DRAXIN: variants seen among roughly 807,000 people sequenced by gnomAD.
DRAXIN encodes dorsal repulsive axon guidance protein.
In DRAXIN, 27 loss-of-function variants were observed where a neutral mutation model predicts 33.9. That is an observed-to-expected ratio of 0.80 (90% CI 0.59 to 1.10). DRAXIN has a LOEUF of 1.10. DRAXIN is among the 50% of genes least tolerant of loss of function. DRAXIN has a pLI of 0.00. For synonymous variants in DRAXIN, 178 were observed against 194.0 expected (o/e 0.92, Z 0.69); for missense variants, 371 against 460.8 (o/e 0.81, Z 1.78).
At chr1:11,714,899 C>T (rs9430631) in intron 5 of DRAXIN, among the ~76,000 whole-genome samples, 58,645 of 152,004 alleles carry the variant, frequency 0.39, 11,627 homozygotes, top group East Asian at 0.52. Context: ...ATCAGTACCC[C>T]ATCTGAGGCA....
intron 1 of DRAXIN, among the ~76,000 whole-genome samples, chr1:11,699,959 C>T (rs1424330295): frequency 1.4e-5 from 2 of 143,302 alleles, no homozygotes; most frequent in Non-Finnish European, 3.0e-5. Flanking sequence ...TAAAGTAAAT[C>T]CAGGTGTAGT....
At position 11,692,137 on chromosome 1, in the gene DRAXIN, T is replaced by C. The variant is rs1641082414; in HGVS notation, c.-11+284T>C. Among the ~76,000 whole-genome samples the C allele has an allele frequency of 1.3e-5, 2 of 151,792 alleles. 1 individual carries two copies. Among genetic ancestry groups the C allele is most frequent in the South Asian group, 4.2e-4 (2 of 4,806 alleles). ...CGCCCACTTTTCCACGCTCTGACAC[T>C]CGGCCTCGCGCGCGCCCTCGCCGCC... On this transcript the variant is annotated intron_variant, in intron 1 of 6. Coordinates refer to ENST00000294485, the MANE Select transcript of DRAXIN (RefSeq NM_198545.4). The surrounding 1 kb of genome is among the most constrained non-coding windows in gnomAD (Gnocchi z 5.8).
Position 11,703,129 on chromosome 1 carries a change from C to T in DRAXIN, c.-10-3120C>T, listed in dbSNP as rs72869785. ...ATTATGTGCAGGGCCCTGGAGGGGC[C>T]GCAGAGCAGAAGGGAATGTGCAGAG... On this transcript the variant is annotated intron_variant, in intron 1 of 6. Coordinates refer to ENST00000294485, the MANE Select transcript of DRAXIN (RefSeq NM_198545.4). Among the ~76,000 whole-genome samples, 1,279 of 152,300 alleles carry T rather than the reference C, an allele frequency of 8.4e-3. 23 individuals carry two copies. Among genetic ancestry groups the T allele is most frequent in the African/African-American group, 0.029 (1,216 of 41,566 alleles).
chr1:11,709,215 G>A (rs1570315117), intron 2 of DRAXIN, 60 bp from the exon 3 acceptor site: 1 of 1,519,200 alleles, frequency 6.6e-7, no homozygotes, highest in Non-Finnish European at 8.8e-7. Flanking sequence ...GGGTTCTACT[G>A]TAGACTGCCA....
rs1312223752 is a variant in DRAXIN at position 11,725,451 on chromosome 1, A to C, written c.*5755A>C. 1 of 152,246 alleles carries C rather than the reference A, an allele frequency of 6.6e-6. No individual in the cohort carries two copies. Among genetic ancestry groups the C allele is most frequent in the East Asian group, 1.9e-4 (1 of 5,202 alleles). 9.4% of individuals were successfully genotyped at this position (152,246 alleles called of 1,614,324 possible). A position where few individuals can be genotyped will look rare whatever the true frequency, so the allele number is the denominator to read the frequency against. On this transcript the variant is annotated 3_prime_UTR_variant, in exon 7 of 7. Coordinates refer to ENST00000294485, the MANE Select transcript of DRAXIN (RefSeq NM_198545.4). The stretch of plus-strand genomic sequence containing the variant: ...GTTCTCCAGGTCATTCTTGGGCACG[A>C]TCAAATTTGAGAATCACAGGTCTAG...
At chr1:11,688,195 C>T (rs1256415424), upstream of DRAXIN, among the ~76,000 whole-genome samples, 1 of 152,232 alleles carries the variant, frequency 6.6e-6, no homozygotes, top group African/African-American at 2.4e-5. The surrounding 1 kb of genome is among the most constrained non-coding windows in gnomAD (Gnocchi z 4.6). Flanking sequence ...ATCATCTCTT[C>T]TCTGCCACAG....
chr1:11,693,004 C>T (rs762763424), intron 1 of DRAXIN, among the ~76,000 whole-genome samples: 2 of 151,852 alleles, frequency 1.3e-5, no homozygotes, highest in African/African-American at 2.4e-5. Context: ...CAGGGGGCTC[C>T]ACAGAAATGG....
intron 5 of DRAXIN, among the ~76,000 whole-genome samples, chr1:11,713,706 C>T (rs1037015808): frequency 2.0e-5 from 3 of 152,012 alleles, no homozygotes; most frequent in African/African-American, 7.3e-5. Flanking sequence ...CTGGGCAACA[C>T]GGGAAGACTC....
intron 1 of DRAXIN, among the ~76,000 whole-genome samples, chr1:11,702,548 A>T (rs1641310322): frequency 6.6e-6 from 1 of 151,396 alleles, no homozygotes; most frequent in Non-Finnish European, 1.5e-5. Flanking sequence ...ACACACACAC[A>T]TGCTAACACT....
intron 6 of DRAXIN, among the ~76,000 whole-genome samples, chr1:11,717,153 C>A (rs1641589641): frequency 1.3e-5 from 2 of 151,628 alleles, no homozygotes; most frequent in African/African-American, 4.9e-5. Flanking sequence ...CATGGTGGCA[C>A]TTGCCTGTAA....
At position 11,694,176 on chromosome 1, in the gene DRAXIN, G is replaced by A. The variant is rs1260680794; in HGVS notation, c.-11+2323G>A. On this transcript the variant is annotated intron_variant, in intron 1 of 6. Coordinates refer to ENST00000294485, the MANE Select transcript of DRAXIN (RefSeq NM_198545.4). This position sits in a 1 kb window ranked among gnomAD's most constrained non-coding sequence, Gnocchi z 4.9. ...GTCTGCTCCTCCCTGGGTGGGGGCT[G>A]GGTCTCCTTCTGCTTGTGGTCCCAG... 6.6e-6 allele frequency among the ~76,000 whole-genome samples: 1 copy of A among 152,078 alleles called. No homozygotes were observed. The highest frequency in any genetic ancestry group is 2.1e-4 in the South Asian group (1 of 4,830).
intron 2 of DRAXIN, 32 bp from the exon 3 acceptor site, chr1:11,709,243 A>G (rs1641436686): frequency 1.9e-6 from 3 of 1,578,766 alleles, no homozygotes; most frequent in Non-Finnish European, 8.6e-7. Context: ...GCAAGCAGAT[A>G]TAGCCCCCGT....
intron 3 of DRAXIN, 107 bp from the exon 4 acceptor site, chr1:11,711,744 A>G (rs1042034089): frequency 1.1e-5 from 11 of 995,392 alleles, no homozygotes; most frequent in Non-Finnish European, 1.5e-5. Context: ...AGCAGAGGAT[A>G]AGGTGGCCTC....
intron 1 of DRAXIN, among the ~76,000 whole-genome samples, chr1:11,702,133 A>G (rs766387262): frequency 1.3e-5 from 2 of 149,452 alleles, no homozygotes; most frequent in African/African-American, 2.5e-5. Flanking sequence ...GCTCACACTC[A>G]TACGTACACG....
upstream of DRAXIN, chr1:11,691,278 T>C (rs892780324): frequency 3.3e-5 from 5 of 152,198 alleles, no homozygotes; most frequent in South Asian, 2.1e-4. Context: ...CGCTCCATTG[T>C]TGGGGTCCAC....
Position 11,706,548 on chromosome 1 carries a change from T to C in DRAXIN, c.290T>C (p.Leu97Pro). 1 of 1,611,148 alleles carries C rather than the reference T, an allele frequency of 6.2e-7. No homozygotes were observed. Among genetic ancestry groups the C allele is most frequent in the Non-Finnish European group, 8.5e-7 (1 of 1,179,204 alleles). The change falls in exon 2 of 7, where the codon CTG (leucine) becomes CCG (proline). Residue 97 changes from leucine to proline, a missense_variant. Leu to Pro is a moderately conservative substitution (Grantham distance 98). Coordinates refer to ENST00000294485, the MANE Select transcript of DRAXIN (RefSeq NM_198545.4). This position sits in a 1 kb window ranked among gnomAD's most constrained non-coding sequence, Gnocchi z 5.5. The stretch of plus-strand genomic sequence containing the variant: ...AGGCTGCCAGAGGCTGAGGGGCTGC[T>C]GCCTGAGCAGAGTCCTGCAGGCCTG... The part of the protein sequence containing the change: ...ASRLPEAEGL[L>P]PEQSPAGLLQ...
Position 11,720,065 on chromosome 1 carries a change from C to G in DRAXIN, c.*369C>G, listed in dbSNP as rs570147085. On this transcript the variant is annotated 3_prime_UTR_variant, in exon 7 of 7. Transcript: ENST00000294485. ...AAATTTAAACTTCCCGAAAGAAGGT[C>G]CACCATCAGGAGATGAATATGGAAC... is the stretch of plus-strand genomic sequence containing the variant. 2.5e-4 allele frequency: 62 copies of G among 252,906 alleles called. No homozygotes were observed. The highest frequency in any genetic ancestry group is 1.3e-3 in the African/African-American group (60 of 46,338). The allele number at this position is 252,906 out of a possible 1,614,324, so 15.7% of individuals were successfully genotyped here.
At chr1:11,713,804 G>C (rs1221576972) in intron 5 of DRAXIN, among the ~76,000 whole-genome samples, 1 of 152,204 alleles carries the variant, frequency 6.6e-6, no homozygotes, top group African/African-American at 2.4e-5. Flanking sequence ...CCTTTGGGAG[G>C]CCGAGATGGG....
intron 5 of DRAXIN, among the ~76,000 whole-genome samples, chr1:11,713,707 G>A (rs576594027): frequency 5.9e-5 from 9 of 152,074 alleles, no homozygotes; most frequent in Non-Finnish European, 1.5e-5. Flanking sequence ...TGGGCAACAC[G>A]GGAAGACTCC....
Sources: gnomAD v4.1 joint callset for allele counts (sites outside exome capture counted in the v4.1 genomes callset) on GRCh38, gnomAD v4.1.1 for gene constraint, Gnocchi (gnomAD v3.1) non-coding constraint, MANE v1.5 for transcripts, NCBI Gene and HGNC (gene_info 2026-07-23, HGNC 2026-07-21) for gene names.